Variants in PCDH15 observed in about 807,000 individuals in gnomAD.
The protein encoded by PCDH15 is protocadherin-15.
A neutral mutation model predicts 178.5 loss-of-function variants in PCDH15; 129 were observed. That is an observed-to-expected ratio of 0.72 (90% CI 0.63 to 0.84). The LOEUF is 0.84. Ranked by LOEUF, PCDH15 falls within the 40% of genes least tolerant of loss-of-function variation. The pLI is 0.00. For missense variants in PCDH15, 2,230 were observed against 2,099.9 expected, an observed-to-expected ratio of 1.06 and a Z score of -1.21; for synonymous variants, 800 against 732.0, an observed-to-expected ratio of 1.09 and a Z score of -1.50.
At chr10:54,613,183 G>C (rs184690951) in intron 2 of PCDH15, among the ~76,000 whole-genome samples, 181 of 151,880 alleles carry the variant, frequency 1.2e-3, no homozygotes, top group Non-Finnish European at 1.1e-3. Context: ...GTTCACTTTA[G>C]AAAGTACAAT....
rs963347597 is a variant in PCDH15 at position 54,379,062 on chromosome 10, G to A, written c.158-120C>T. The A allele has an allele frequency of 5.9e-6, 6 of 1,023,496 alleles. No individual in the cohort carries two copies. The East Asian group carries it at 1.4e-4, about 24-fold the overall frequency. 63.4% of individuals were successfully genotyped at this position (1,023,496 alleles called of 1,614,324 possible). On this transcript the variant is annotated intron_variant, in intron 3 of 37. Transcript: ENST00000644397. The stretch of plus-strand genomic sequence containing the variant: ...GTTTTAAAGCTGAAAATACTCAACT[G>A]TATATCTAGCATAAGACAGAAAATA...
intron 3 of PCDH15, among the ~76,000 whole-genome samples, chr10:54,501,628 C>T (rs1031261890): frequency 3.9e-5 from 6 of 152,016 alleles, no homozygotes; most frequent in African/African-American, 1.4e-4. Context: ...CACTATTTTA[C>T]ATTCTCCCTT....
chr10:55,011,498 C>T (rs112028375), intron 2 of PCDH15, among the ~76,000 whole-genome samples: 9 of 152,140 alleles, frequency 5.9e-5, no homozygotes, highest in African/African-American at 1.7e-4. Context: ...TTGTGTTACT[C>T]TCAATCCCTG....
intron 20 of PCDH15, among the ~76,000 whole-genome samples, chr10:54,008,109 G>A (rs927499067): frequency 1.3e-5 from 2 of 152,154 alleles, no homozygotes; most frequent in African/African-American, 4.8e-5. Flanking sequence ...GCAAGTGTCA[G>A]TCTACATTTG....
chr10:54,163,785 T>C (rs2045945051), intron 13 of PCDH15, among the ~76,000 whole-genome samples: 2 of 152,120 alleles, frequency 1.3e-5, no homozygotes, highest in Admixed American at 6.6e-5. Flanking sequence ...TCAGGAATGA[T>C]TACAGAGTAA....
rs1841208200 is a variant in PCDH15 at position 53,806,918 on chromosome 10, AG to A, written c.4883del (p.Pro1628LeufsTer11). Reference protein sequence around the residue: ...CLTDNLKVASPVRLGGPFKKL... With the variant: ...CLTDNLKVASXVRLGGPFKKL... The stretch of plus-strand genomic sequence containing the variant: ...TCTTAAAGGGCCCTCCCAGTCGAAC[AG>A]GGGAAGCAACTTTTAAGTTGTCCGT... On this transcript the variant is annotated frameshift_variant, in exon 38 of 38. Transcript: ENST00000644397. LOFTEE classifies it high-confidence loss of function. 6.2e-7 allele frequency: 1 copy of A among 1,613,906 alleles called. No homozygotes were observed. The highest frequency in any genetic ancestry group is 8.5e-7 in the Non-Finnish European group (1 of 1,179,836).
chr10:55,506,537 C>A (rs567130263), intron 2 of PCDH15, among the ~76,000 whole-genome samples: 1 of 151,554 alleles, frequency 6.6e-6, no homozygotes, highest in African/African-American at 2.4e-5. Flanking sequence ...GGGTTCACAA[C>A]TGAACCATTT....
At chr10:54,061,081 G>T (rs4431929) in intron 18 of PCDH15, among the ~76,000 whole-genome samples, 93,134 of 151,302 alleles carry the variant, frequency 0.62, 28,946 homozygotes, top group Middle Eastern at 0.76. Context: ...AGGGGTCCAG[G>T]ACCAGGCCTG....
chr10:54,266,453 A>C (rs1257771238), intron 8 of PCDH15, among the ~76,000 whole-genome samples: 2 of 151,940 alleles, frequency 1.3e-5, no homozygotes, highest in Non-Finnish European at 2.9e-5. Context: ...TAAATAACAA[A>C]AATAAGAACA....
chr10:54,053,885 TC>T (rs2135666142), intron 18 of PCDH15, among the ~76,000 whole-genome samples: 1 of 152,236 alleles, frequency 6.6e-6, no homozygotes, highest in Admixed American at 6.5e-5. Flanking sequence ...TAGCAATAGT[TC>T]AAGTGAGAAA....
At chr10:54,716,261 T>C (rs1169873434) in intron 1 of PCDH15, among the ~76,000 whole-genome samples, 1 of 152,084 alleles carries the variant, frequency 6.6e-6, no homozygotes, top group Non-Finnish European at 1.5e-5. Context: ...GCTTCTCCCA[T>C]TAAAAAAGGA....
chr10:55,437,837 T>C (rs952914034), intron 2 of PCDH15, among the ~76,000 whole-genome samples: 10 of 145,352 alleles, frequency 6.9e-5, no homozygotes, highest in Admixed American at 3.4e-4. Context: ...CTTTTCTTTT[T>C]TTTTTTTTTT....
At chr10:54,167,158 T>C (rs1375349364) in intron 13 of PCDH15, among the ~76,000 whole-genome samples, 1 of 152,096 alleles carries the variant, frequency 6.6e-6, no homozygotes, top group Non-Finnish European at 1.5e-5. Flanking sequence ...TCGGGGGACC[T>C]CCCTTGGGAG....
chr10:54,699,141 CAAAT>C (rs1157028010), intron 1 of PCDH15, among the ~76,000 whole-genome samples: 1 of 151,950 alleles, frequency 6.6e-6, no homozygotes, highest in Non-Finnish European at 1.5e-5. Flanking sequence ...AAGGATTAAA[CAAAT>C]AACTTCAGAA....
intron 1 of PCDH15, among the ~76,000 whole-genome samples, chr10:55,201,178 A>C (rs980547745): frequency 5.3e-5 from 8 of 152,114 alleles, no homozygotes; most frequent in African/African-American, 1.9e-4. Flanking sequence ...ACACTGATAG[A>C]ATATAAGGCT....
chr10:54,132,904 T>C lies in PCDH15; in HGVS notation c.1888A>G (p.Arg630Gly), dbSNP rs1265481859. The C allele has an allele frequency of 2.5e-6, 4 of 1,613,546 alleles. No individual in the cohort carries two copies. The African/African-American group carries it at 4.0e-5, about 16-fold the overall frequency. The change falls in exon 15 of 38, where the codon AGG (arginine) becomes GGG (glycine). Residue 630 changes from arginine (R) to glycine (G), a missense_variant. Arg to Gly is a moderately radical substitution (Grantham distance 125). Coordinates refer to ENST00000644397, the MANE Select transcript of PCDH15 (RefSeq NM_001384140.1). ...AGATTTAATAAAACAGCACCAACCC[T>C]CATGGCTTCACTAATTTCAAGGCTA... Reference protein sequence around the residue: ...MYSLEISEAMRVGAVLLNLQA... With the variant: ...MYSLEISEAMGVGAVLLNLQA...
intron 15 of PCDH15, among the ~76,000 whole-genome samples, chr10:54,116,930 GC>G (rs2095123802): frequency 6.6e-6 from 1 of 152,136 alleles, no homozygotes; most frequent in African/African-American, 2.4e-5. Flanking sequence ...GATCTAGCAT[GC>G]AAGTGAAAGA....
intron 3 of PCDH15, among the ~76,000 whole-genome samples, chr10:54,428,926 A>C (rs1006298649): frequency 1.3e-5 from 2 of 152,244 alleles, no homozygotes; most frequent in African/African-American, 4.8e-5. Flanking sequence ...GAACTTCATC[A>C]ATACCAGACC....
At chr10:54,821,924 G>T (rs1211484815) in intron 3 of PCDH15, among the ~76,000 whole-genome samples, 2 of 151,944 alleles carry the variant, frequency 1.3e-5, no homozygotes, top group African/African-American at 4.8e-5. Flanking sequence ...CAATTACTTT[G>T]CTACAGTCCC....
Sources: allele counts gnomAD v4.1 joint callset (sites outside exome capture counted in the v4.1 genomes callset), GRCh38; gene constraint gnomAD v4.1.1; transcripts MANE v1.5; gene names NCBI Gene and HGNC (gene_info 2026-07-23, HGNC 2026-07-21).